The following CFAP97D2 variants were observed in gnomAD, a reference collection of about 807,000 sequenced individuals.
The protein encoded by CFAP97D2 is CFAP97 domain containing 2.
chr13:114,203,180 G>T lies in CFAP97D2; in HGVS notation c.290+2737G>T, dbSNP rs1323089270. On this transcript the variant is annotated intron_variant, in intron 3 of 4. Transcript: ENST00000646158. This position sits in a 1 kb window ranked among gnomAD's most constrained non-coding sequence, Gnocchi z 4.3. The stretch of plus-strand genomic sequence containing the variant: ...TTGCATATAGAAAATCTTAAGGAAT[G>T]CACTAAAAAGCTGTAGAACTAATCC... Among the ~76,000 whole-genome samples, 1 of 152,184 alleles carries T rather than the reference G, an allele frequency of 6.6e-6. No individual in the cohort carries two copies. The highest frequency in any genetic ancestry group is 6.5e-5 in the Admixed American group (1 of 15,284).
chr13:114,182,058 C>T (rs1180207176), intron 1 of CFAP97D2, among the ~76,000 whole-genome samples: 2 of 151,952 alleles, frequency 1.3e-5, no homozygotes, highest in African/African-American at 2.4e-5. Context: ...AGGACCTGCA[C>T]CAGCACCGGT....
downstream of CFAP97D2, chr13:114,222,751 TCACAGCCGGAG>T (rs2081026823): frequency 2.6e-6 from 1 of 385,634 alleles, no homozygotes. This position sits in a 1 kb window ranked among gnomAD's most constrained non-coding sequence, Gnocchi z 4.4. Context: ...TTCACTGTTA[TCACAGCCGGAG>T]CAGCTGTGAA....
chr13:114,196,538 C>G (rs1174793780), intron 2 of CFAP97D2, 62 bp downstream of exon 2: 13 of 398,368 alleles, frequency 3.3e-5, no homozygotes, highest in Non-Finnish European at 4.4e-5. Flanking sequence ...AGCTTAAAAG[C>G]CCAGGAAAAT....
At chr13:114,188,776 C>CAA (rs35375202) in intron 1 of CFAP97D2, among the ~76,000 whole-genome samples, 1,331 of 65,344 alleles carry the variant, frequency 0.02, 63 homozygotes, top group Admixed American at 0.15. Context: ...GACTCAATCT[C>CAA]AAAAAAAAAA....
intron 2 of CFAP97D2, among the ~76,000 whole-genome samples, chr13:114,198,220 C>G (rs1357431221): frequency 6.6e-6 from 1 of 152,110 alleles, no homozygotes; most frequent in Non-Finnish European, 1.5e-5. Context: ...CTCCTGACCT[C>G]GTGAAGTTTA....
chr13:114,181,791 T>G (rs967128093), intron 1 of CFAP97D2, among the ~76,000 whole-genome samples: 1 of 152,108 alleles, frequency 6.6e-6, no homozygotes, highest in Non-Finnish European at 1.5e-5. Context: ...AGTCCCCTGA[T>G]GACTGCCCTC....
intron 1 of CFAP97D2, among the ~76,000 whole-genome samples, chr13:114,190,511 C>T (rs925186593): frequency 7.9e-5 from 12 of 151,972 alleles, no homozygotes; most frequent in Admixed American, 1.3e-4. Flanking sequence ...CAGCAAGTGA[C>T]GACTGAGATT....
chr13:114,180,571 T>C (rs1379356823), intron 1 of CFAP97D2, among the ~76,000 whole-genome samples: 2 of 152,210 alleles, frequency 1.3e-5, no homozygotes, highest in Non-Finnish European at 2.9e-5. Flanking sequence ...GCCACGTGAT[T>C]GATGGGCATG....
At position 114,185,583 on chromosome 13, in the gene CFAP97D2, C is replaced by A. The variant is rs76502316; in HGVS notation, c.90+6163C>A. 0.035 allele frequency among the ~76,000 whole-genome samples: 5,317 copies of A among 152,280 alleles called. 259 individuals are homozygous for A. The highest frequency in any genetic ancestry group is 0.09 in the Admixed American group (1,385 of 15,304). ...CTGCACTCTCAGGAGCCCAGGAAGG[C>A]CCCCTGTCTCCCCGCAGGCTCAGAA... On this transcript the variant is annotated intron_variant, in intron 1 of 4. Transcript: ENST00000646158. The surrounding 1 kb of genome is among the most constrained non-coding windows in gnomAD (Gnocchi z 5.2).
exon 4 of CFAP97D2, chr13:114,212,015 G>C (rs2080968472): frequency 2.5e-6 from 1 of 398,750 alleles, no homozygotes; most frequent in African/African-American, 2.1e-5. Flanking sequence ...GGAGCTCAAA[G>C]GTGGTGTGAA....
intron 4 of CFAP97D2, chr13:114,214,294 C>T (rs1295801650): frequency 6.6e-6 from 1 of 152,186 alleles, no homozygotes; most frequent in East Asian, 1.9e-4. Context: ...AGTACCTGTG[C>T]AAAGACGCAT....
At chr13:114,198,550 G>C (rs1358138823) in intron 2 of CFAP97D2, among the ~76,000 whole-genome samples, 4 of 152,240 alleles carry the variant, frequency 2.6e-5, no homozygotes, top group African/African-American at 9.6e-5. Context: ...TTACAAGATA[G>C]TGCCTCGCCT....
rs1214540363 is a variant in CFAP97D2 at position 114,183,295 on chromosome 13, T to G, written c.90+3875T>G. On this transcript the variant is annotated intron_variant, in intron 1 of 4. Coordinates refer to ENST00000646158, the Ensembl canonical transcript of CFAP97D2. ...GATTCTCCTGCCTCAGCCTCCCAAG[T>G]AGCTGTGATTACAGTCGCGTGCCAC... 2.6e-5 allele frequency among the ~76,000 whole-genome samples: 4 copies of G among 152,124 alleles called. No homozygotes were observed. The East Asian group carries it at 7.7e-4, about 29-fold the overall frequency.
rs372785650 is a variant in CFAP97D2, at chr13:114,182,465, A to C, written c.90+3045A>C. ...CTGCAAGAGGCCTTCCTCTTTTACT[A>C]ATCCACCTCAGCACAGACCCTTTAC... On this transcript the variant is annotated intron_variant, in intron 1 of 4. Coordinates refer to ENST00000646158, the Ensembl canonical transcript of CFAP97D2. 2.5e-3 allele frequency among the ~76,000 whole-genome samples: 373 copies of C among 151,572 alleles called. 2 individuals are homozygous for C. The highest frequency in any genetic ancestry group is 6.5e-3 in the African/African-American group (267 of 41,272).
chr13:114,181,924 T>G (rs748611967), intron 1 of CFAP97D2, among the ~76,000 whole-genome samples: 7 of 152,052 alleles, frequency 4.6e-5, no homozygotes, highest in Non-Finnish European at 8.8e-5. Flanking sequence ...AGGGGTGGCC[T>G]GCCCCTCCAC....
At position 114,186,265 on chromosome 13, in the gene CFAP97D2, C is replaced by A. The variant is rs930803450; in HGVS notation, c.90+6845C>A. ...GCTGAGAGCTGAGACGTCAGGACAA[C>A]CAGCTTCAGGGAGGAGCTACCCTCT... On this transcript the variant is annotated intron_variant, in intron 1 of 4. Coordinates refer to ENST00000646158, the Ensembl canonical transcript of CFAP97D2. This position sits in a 1 kb window ranked among gnomAD's most constrained non-coding sequence, Gnocchi z 4.3. Among the ~76,000 whole-genome samples, 8 of 152,180 alleles carry A rather than the reference C, an allele frequency of 5.3e-5. No homozygotes were observed. The highest frequency in any genetic ancestry group is 1.9e-4 in the African/African-American group (8 of 41,452).
intron 1 of CFAP97D2, among the ~76,000 whole-genome samples, chr13:114,190,141 T>TAA (rs34812100): frequency 6.8e-6 from 1 of 148,092 alleles, no homozygotes; most frequent in Non-Finnish European, 1.5e-5. Flanking sequence ...GGCCCCGTCT[T>TAA]AAAAAAAAAA....
In CFAP97D2 at chr13:114,222,259, T is replaced by A. The variant is rs542825362; in HGVS notation, c.481-239T>A. 6.6e-6 allele frequency among the ~76,000 whole-genome samples: 1 copy of A among 152,282 alleles called. No individual in the cohort carries two copies. Among genetic ancestry groups the A allele is most frequent in the South Asian group, 2.1e-4 (1 of 4,824 alleles). On this transcript the variant is annotated intron_variant, in intron 4 of 4. Coordinates refer to ENST00000646158, the Ensembl canonical transcript of CFAP97D2. The surrounding 1 kb of genome is among the most constrained non-coding windows in gnomAD (Gnocchi z 4.4). ...TTTGGAGGGGGAGGTGATGAAGATG[T>A]TCTGAAATTATATTGTGACAATAGT... is the stretch of plus-strand genomic sequence containing the variant.
At chr13:114,212,106 C>G in intron 4 of CFAP97D2, 1 of 398,594 alleles carries the variant, frequency 2.5e-6, no homozygotes, top group Non-Finnish European at 4.4e-6. Context: ...AAAAAGGTAC[C>G]CGCACCTTCT....
Sources: allele counts gnomAD v4.1 joint callset (sites outside exome capture counted in the v4.1 genomes callset), GRCh38; gene constraint gnomAD v4.1.1; non-coding constraint Gnocchi (gnomAD v3.1); transcripts MANE v1.5; gene names NCBI Gene and HGNC (gene_info 2026-07-23, HGNC 2026-07-21).